RFFL: variants seen among roughly 807,000 people sequenced by gnomAD.
RFFL encodes the protein ring finger and FYVE like domain containing E3 ubiquitin protein ligase.
In RFFL, 16 loss-of-function variants were observed where a neutral mutation model predicts 40.4. The ratio of observed to expected loss-of-function variants is 0.40; its 90% CI spans 0.27 to 0.60. The LOEUF is 0.60. RFFL is among the 20% of genes least tolerant of loss of function. The pLI is 0.47. For synonymous variants in RFFL, 154 were observed against 167.9 expected, an observed-to-expected ratio of 0.92 and a Z score of 0.64; for missense variants, 367 against 451.7, an observed-to-expected ratio of 0.81 and a Z score of 1.70.
intron 1 of RFFL, among the ~76,000 whole-genome samples, chr17:35,063,183 C>T (rs1482816194): frequency 1.3e-5 from 2 of 152,172 alleles, no homozygotes; most frequent in East Asian, 3.9e-4. Context: ...TGGCCGGGGG[C>T]CGTGGCTCAT....
chr17:35,089,223 G>C (rs552475415), exon 1 of RFFL: 1 of 152,084 alleles, frequency 6.6e-6, no homozygotes, highest in Admixed American at 6.5e-5. Flanking sequence ...GCGTCTCTGG[G>C]GCTGAGGGGC....
At chr17:35,017,189 T>C (rs1365669936) in intron 4 of RFFL, among the ~76,000 whole-genome samples, 1 of 151,970 alleles carries the variant, frequency 6.6e-6, no homozygotes, top group Non-Finnish European at 1.5e-5. Context: ...CCCTTGACAA[T>C]GGCTACAGTG....
intron 1 of RFFL, chr17:35,077,007 A>C: frequency 3.3e-6 from 1 of 299,334 alleles, no homozygotes; most frequent in Non-Finnish European, 6.9e-6. Context: ...GTTCATCTTA[A>C]GAATTTCAAC....
At chr17:35,034,159 A>AAAT (rs566110271) in intron 1 of RFFL, among the ~76,000 whole-genome samples, 10 of 151,330 alleles carry the variant, frequency 6.6e-5, no homozygotes, top group Middle Eastern at 3.4e-3. Context: ...ATAAAAAATA[A>AAAT]AATAATAATA....
intron 1 of RFFL, among the ~76,000 whole-genome samples, chr17:35,060,840 C>T (rs1007872216): frequency 6.6e-6 from 1 of 151,380 alleles, no homozygotes; most frequent in African/African-American, 2.5e-5. Flanking sequence ...AGTCCAGGGA[C>T]ACCAAGTTCA....
intron 1 of RFFL, among the ~76,000 whole-genome samples, chr17:35,053,256 C>G (rs780915015): frequency 2.0e-5 from 3 of 152,170 alleles, no homozygotes; most frequent in Non-Finnish European, 4.4e-5. Flanking sequence ...TCCAAAGAGA[C>G]AGAGTATCTT....
intron 1 of RFFL, among the ~76,000 whole-genome samples, chr17:35,068,997 A>G (rs1207187964): frequency 6.6e-6 from 1 of 152,202 alleles, no homozygotes; most frequent in Non-Finnish European, 1.5e-5. Context: ...GACCCCTGTC[A>G]TCAAACTCCA....
chr17:35,060,926 T>A (rs566720965), intron 1 of RFFL, among the ~76,000 whole-genome samples: 1 of 152,088 alleles, frequency 6.6e-6, no homozygotes, highest in Non-Finnish European at 1.5e-5. Context: ...TCAGAGAAGA[T>A]GCATATATGA....
intron 1 of RFFL, among the ~76,000 whole-genome samples, chr17:35,040,912 G>A (rs1419498392): frequency 2.3e-5 from 3 of 131,136 alleles, no homozygotes; most frequent in African/African-American, 8.6e-5. Flanking sequence ...GAGAGATAGG[G>A]TCTCTCTCCA....
chr17:35,021,856 A>G, intron 2 of RFFL, 75 bp from the exon 3 acceptor site: 2 of 1,440,154 alleles, frequency 1.4e-6, no homozygotes, highest in Non-Finnish European at 9.7e-7. Flanking sequence ...GGAGCTTCAG[A>G]GCTGCCAAGC....
At position 35,008,260 on chromosome 17, in the gene RFFL, C is replaced by A. The variant is rs1223228001; in HGVS notation, c.*3708G>T. 3 of 152,244 alleles carry A rather than the reference C, an allele frequency of 2.0e-5. No homozygotes were observed. The East Asian group carries it at 5.8e-4, about 29-fold the overall frequency. The allele number at this position is 152,244 out of a possible 1,614,324, so 9.4% of individuals were successfully genotyped here. A position where few individuals can be genotyped will look rare whatever the true frequency, so the allele number is the denominator to read the frequency against. On this transcript the variant is annotated 3_prime_UTR_variant, in exon 7 of 7. Coordinates refer to ENST00000394597, the MANE Select transcript of RFFL (RefSeq NM_001017368.2). ...GGATTCATCCTTTACCTACCCAGCT[C>A]TCATTCTCTTCTAGGTTGTTCCATG...
Position 35,016,361 on chromosome 17 carries a change from G to A in RFFL, c.886+9C>T. ...GCTCTGTAAAGCTACCATGCAGATAGCCCCTCACCCAGGTGCTGGAGTCCT... is the reference window on the plus strand; with the variant it reads ...GCTCTGTAAAGCTACCATGCAGATAACCCCTCACCCAGGTGCTGGAGTCCT... On this transcript the variant is annotated intron_variant, in intron 5 of 6. Transcript: ENST00000394597. 1 of 1,612,306 alleles carries A rather than the reference G, an allele frequency of 6.2e-7. No homozygotes were observed. The highest frequency in any genetic ancestry group is 8.5e-7 in the Non-Finnish European group (1 of 1,178,440).
In RFFL at chr17:35,011,810, G is replaced by A; in HGVS notation, c.*158C>T. On this transcript the variant is annotated 3_prime_UTR_variant, in exon 7 of 7. Coordinates refer to ENST00000394597, the MANE Select transcript of RFFL (RefSeq NM_001017368.2). The stretch of plus-strand genomic sequence containing the variant: ...CAGCCAAGAGGTACACCCCTGGGAA[G>A]ACAGGCATGCTCAGGGGTGACATGG... 3.0e-6 allele frequency: 2 copies of A among 675,048 alleles called. No homozygotes were observed. The highest frequency in any genetic ancestry group is 5.5e-5 in the Admixed American group (2 of 36,314). The allele number at this position is 675,048 out of a possible 1,614,324, so 41.8% of individuals were successfully genotyped here.
chr17:35,026,310 C>G (rs1319066145), intron 2 of RFFL, 64 bp downstream of exon 2: 22 of 1,517,250 alleles, frequency 1.4e-5, no homozygotes, highest in Non-Finnish European at 1.5e-5. Flanking sequence ...TCAGAGGGGT[C>G]AGTGGCGCTT....
intron 1 of RFFL, among the ~76,000 whole-genome samples, chr17:35,075,198 C>G (rs1485843990): frequency 6.6e-6 from 1 of 152,196 alleles, no homozygotes; most frequent in Non-Finnish European, 1.5e-5. Context: ...CCCTGCTGAA[C>G]AGTCATCAAG....
At chr17:35,069,545 A>G (rs1284375748) in intron 1 of RFFL, 2 of 320,628 alleles carry the variant, frequency 6.2e-6, no homozygotes, top group African/African-American at 4.3e-5. Context: ...GTACTTCAGT[A>G]GTACTTAGGA....
At position 35,017,541 on chromosome 17, in the gene RFFL, A is replaced by G. The variant is rs764852038; in HGVS notation, c.657T>C (p.Pro219=). ...PVYLESVARV[P]AEDETQSIDS... ...GCCCCACCTGGGTCTCATCCTCAGC[A>G]GGTACTCTGGCCACGCTCTCCAGGT... The change falls in exon 4 of 7, where the codon CCT becomes CCC. Residue 219 remains proline (P), a synonymous_variant. Transcript: ENST00000394597. 3.1e-6 allele frequency: 5 copies of G among 1,610,574 alleles called. No homozygotes were observed. The African/African-American group carries it at 6.7e-5, about 22-fold the overall frequency.
chr17:35,073,966 T>C (rs531045636), intron 1 of RFFL: 1 of 152,336 alleles, frequency 6.6e-6, no homozygotes, highest in African/African-American at 2.4e-5. Context: ...ACTAGTAAAA[T>C]AAGTAACAAG....
chr17:35,075,250 A>T (rs1484857411), intron 1 of RFFL, among the ~76,000 whole-genome samples: 1 of 152,206 alleles, frequency 6.6e-6, no homozygotes, highest in African/African-American at 2.4e-5. Flanking sequence ...CATTTCCATA[A>T]ACCTCTTATC....
Sources: gnomAD v4.1 joint callset for allele counts (sites outside exome capture counted in the v4.1 genomes callset) on GRCh38, gnomAD v4.1.1 for gene constraint, MANE v1.5 for transcripts, NCBI Gene and HGNC (gene_info 2026-07-23, HGNC 2026-07-21) for gene names.